The following RAB28 variants were observed in gnomAD, a reference collection of about 807,000 sequenced individuals.
The protein encoded by RAB28 is ras-related protein Rab-28.
A neutral mutation model predicts 31.7 loss-of-function variants in RAB28; 24 were observed. That is an observed-to-expected ratio of 0.76 (90% CI 0.55 to 1.06). RAB28 has a LOEUF of 1.06. RAB28 is among the 50% of genes least tolerant of loss of function. RAB28 has a pLI of 0.00. For missense variants in RAB28, 254 were observed against 258.5 expected (o/e 0.98, Z 0.12); for synonymous variants, 100 against 90.4 (o/e 1.11, Z -0.60).
intron 4 of RAB28, among the ~76,000 whole-genome samples, chr4:13,415,103 A>C (rs1560283287): frequency 1.3e-5 from 2 of 152,270 alleles, no homozygotes; most frequent in South Asian, 2.1e-4. Flanking sequence ...AAGGAAGAAG[A>C]ATCATCATTA....
chr4:13,430,501 T>C (rs1202582709), intron 4 of RAB28, among the ~76,000 whole-genome samples: 1 of 152,176 alleles, frequency 6.6e-6, no homozygotes, highest in East Asian at 1.9e-4. Flanking sequence ...GTAGACTCTT[T>C]GTCCTCATGA....
intron 4 of RAB28, 137 bp downstream of exon 4, chr4:13,460,562 A>C (rs1715540843): frequency 6.3e-6 from 7 of 1,118,878 alleles, no homozygotes; most frequent in Non-Finnish European, 9.1e-6. Context: ...ATTACCTCCC[A>C]AAACCCCACC....
At chr4:13,406,115 T>C (rs1712067514) in intron 4 of RAB28, among the ~76,000 whole-genome samples, 1 of 152,146 alleles carries the variant, frequency 6.6e-6, no homozygotes, top group Admixed American at 6.5e-5. Context: ...ACTCGTCATC[T>C]ACATTAGGTA....
At chr4:13,405,477 AATGAATC>A (rs1333415744) in intron 4 of RAB28, among the ~76,000 whole-genome samples, 1 of 152,184 alleles carries the variant, frequency 6.6e-6, no homozygotes, top group Non-Finnish European at 1.5e-5. Flanking sequence ...TTCTTATGTT[AATGAATC>A]ATCTAGTCCT....
intron 4 of RAB28, among the ~76,000 whole-genome samples, chr4:13,415,360 G>A (rs1050415512): frequency 1.1e-4 from 16 of 152,306 alleles, no homozygotes; most frequent in Middle Eastern, 3.4e-3. Context: ...GCTGGCTGAG[G>A]CCGGAGCCGG....
chr4:13,437,295 T>C (rs1029878984), intron 4 of RAB28, among the ~76,000 whole-genome samples: 4 of 152,080 alleles, frequency 2.6e-5, no homozygotes, highest in South Asian at 2.1e-4. Context: ...CTCCTGAACA[T>C]TGGCATAGGC....
intron 6 of RAB28, chr4:13,371,071 TA>T: frequency 1.0e-6 from 1 of 983,866 alleles, no homozygotes; most frequent in Non-Finnish European, 1.2e-6. Context: ...AGCATCTTAA[TA>T]TGAGCTGCTG....
intron 4 of RAB28, 87 bp from the exon 5 acceptor site, chr4:13,381,681 A>G (rs1436718046): frequency 4.3e-6 from 4 of 931,406 alleles, no homozygotes; most frequent in African/African-American, 3.4e-5. Context: ...TTGCTTTCCA[A>G]TATTATATTC....
intron 4 of RAB28, among the ~76,000 whole-genome samples, chr4:13,425,093 G>T (rs1713400664): frequency 6.6e-6 from 1 of 152,068 alleles, no homozygotes; most frequent in African/African-American, 2.4e-5. Context: ...GTAAATTATT[G>T]ATTTTCTTTT....
At chr4:13,384,599 G>A (rs1729284363) in intron 4 of RAB28, among the ~76,000 whole-genome samples, 1 of 152,166 alleles carries the variant, frequency 6.6e-6, no homozygotes, top group African/African-American at 2.4e-5. Flanking sequence ...CAGGAGCTGG[G>A]AGCTGAGGCT....
intron 6 of RAB28, chr4:13,369,947 T>C: frequency 6.2e-7 from 1 of 1,612,216 alleles, no homozygotes; most frequent in Non-Finnish European, 8.5e-7. Context: ...TACTTCACTA[T>C]TTCTGCCCTG....
chr4:13,405,081 A>AT (rs1712001384), intron 4 of RAB28, among the ~76,000 whole-genome samples: 2 of 152,292 alleles, frequency 1.3e-5, no homozygotes, highest in Admixed American at 1.3e-4. Flanking sequence ...CCTAACGAGA[A>AT]TTTAAACCCA....
chr4:13,457,949 G>T (rs1053582559), intron 4 of RAB28, among the ~76,000 whole-genome samples: 3 of 152,082 alleles, frequency 2.0e-5, no homozygotes, highest in African/African-American at 7.2e-5. Flanking sequence ...ATAAGGTAAT[G>T]CAAAACCTCC....
Position 13,484,228 on chromosome 4 carries a change from A to G in RAB28, c.-78T>C, listed in dbSNP as rs1716763944. ...GAAGGCTCCGGGGGCGGGGGAGAGG[A>G]GGAAGGGAGGTAGTTGCGGCAGGAC... On this transcript the variant is annotated 5_prime_UTR_variant, in exon 1 of 7. Coordinates refer to ENST00000330852, the MANE Select transcript of RAB28 (RefSeq NM_001017979.3). The G allele has an allele frequency of 1.7e-6, 2 of 1,178,146 alleles. No homozygotes were observed. Among genetic ancestry groups the G allele is most frequent in the Admixed American group, 4.0e-5 (2 of 50,128 alleles). 73.0% of individuals were successfully genotyped at this position (1,178,146 alleles called of 1,614,324 possible). A position where few individuals can be genotyped will look rare whatever the true frequency, so the allele number is the denominator to read the frequency against.
chr4:13,444,075 T>C (rs1714565462), intron 4 of RAB28, among the ~76,000 whole-genome samples: 1 of 151,630 alleles, frequency 6.6e-6, no homozygotes, highest in South Asian at 2.1e-4. Flanking sequence ...TCACCCAGGC[T>C]GGAGTGCAGT....
At chr4:13,431,524 C>G (rs986390084) in intron 4 of RAB28, among the ~76,000 whole-genome samples, 2 of 152,110 alleles carry the variant, frequency 1.3e-5, no homozygotes, top group African/African-American at 2.4e-5. Flanking sequence ...TAAAAACCTG[C>G]TACCAGAAGA....
intron 4 of RAB28, among the ~76,000 whole-genome samples, chr4:13,395,824 T>C (rs1004451681): frequency 6.6e-6 from 1 of 152,024 alleles, no homozygotes; most frequent in Admixed American, 6.5e-5. Context: ...TTTGTAAGAG[T>C]ATCTATATTA....
chr4:13,398,393 C>CATAGAATTGCATAAAATTG (rs1259139129), intron 4 of RAB28, among the ~76,000 whole-genome samples: 1 of 152,132 alleles, frequency 6.6e-6, no homozygotes, highest in African/African-American at 2.4e-5. Flanking sequence ...TTCACTTATA[C>CATAGAATTGCATAAAATTG]CATTTATACA....
chr4:13,420,738 G>T (rs1408905480), intron 4 of RAB28, among the ~76,000 whole-genome samples: 1 of 152,248 alleles, frequency 6.6e-6, no homozygotes, highest in Non-Finnish European at 1.5e-5. Flanking sequence ...AATGAACTAG[G>T]TATTAATGGA....
Sources: allele counts gnomAD v4.1 joint callset (sites outside exome capture counted in the v4.1 genomes callset), GRCh38; gene constraint gnomAD v4.1.1; transcripts MANE v1.5; gene names NCBI Gene and HGNC (gene_info 2026-07-23, HGNC 2026-07-21).